Variants in RPS6KC1 observed in about 807,000 individuals in gnomAD.
RPS6KC1 encodes the protein ribosomal protein S6 kinase C1.
In RPS6KC1, 54 loss-of-function variants were observed where a neutral mutation model predicts 103.8. The observed-to-expected ratio is 0.52, with a 90% CI of 0.42 to 0.65. The LOEUF (loss-of-function observed/expected upper bound fraction) is 0.65, where lower values mean the gene tolerates loss of function less well. Among genes scored for constraint, RPS6KC1 ranks in the 30% least tolerant of loss-of-function variants. RPS6KC1 has a pLI of 0.00. For missense variants in RPS6KC1, 1,151 were observed against 1,253.8 expected (o/e 0.92, Z 1.24); for synonymous variants, 439 against 438.7 (o/e 1.00, Z -0.01).
Position 213,051,490 on chromosome 1 carries a change from TA to T in RPS6KC1, c.87del (p.Tyr30IlefsTer19). 2 of 1,612,528 alleles carry T rather than the reference TA, an allele frequency of 1.2e-6. No individual in the cohort carries two copies. Among genetic ancestry groups the T allele is most frequent in the Non-Finnish European group, 1.7e-6 (2 of 1,179,250 alleles). The part of the protein sequence containing the change: ...EPQRHPRGYT[V>X]YKVTARVVSR... ...CAGCGACACCCGAGGGGCTACACAGTATATAAGGTCACCGCCCGGGTGAGTG... is the reference window on the plus strand; with the variant it reads ...CAGCGACACCCGAGGGGCTACACAGTTATAAGGTCACCGCCCGGGTGAGTG... On this transcript the variant is annotated frameshift_variant, in exon 1 of 15. Coordinates refer to ENST00000366960, the MANE Select transcript of RPS6KC1 (RefSeq NM_012424.6). LOFTEE classifies it high-confidence loss of function.
the RPS6KC1 span, among the ~76,000 whole-genome samples, chr1:213,343,896 G>A: frequency 3.9e-4 from 59 of 152,054 alleles, no homozygotes; most frequent in Admixed American, 2.1e-3. Context: ...TCCTCACAAC[G>A]CTAATTGCTA....
At chr1:213,107,385 A>G (rs953126096) in intron 4 of RPS6KC1, among the ~76,000 whole-genome samples, 8 of 152,204 alleles carry the variant, frequency 5.3e-5, no homozygotes, top group African/African-American at 1.7e-4. Context: ...ACATGGAATT[A>G]CACAATATAT....
chr1:213,255,027 G>A (rs1044363286), intron 12 of RPS6KC1, among the ~76,000 whole-genome samples: 8 of 152,150 alleles, frequency 5.3e-5, no homozygotes, highest in Admixed American at 3.3e-4. Context: ...TAGGCCAGGC[G>A]TGGTGGCTCG....
the RPS6KC1 span, among the ~76,000 whole-genome samples, chr1:213,661,849 T>G: frequency 6.6e-6 from 1 of 152,160 alleles, no homozygotes; most frequent in Non-Finnish European, 1.5e-5. Context: ...TAAAAGTAAA[T>G]TTTCTAGATG....
At chr1:213,233,888 T>C (rs1320497520) in intron 10 of RPS6KC1, among the ~76,000 whole-genome samples, 2 of 152,162 alleles carry the variant, frequency 1.3e-5, no homozygotes, top group African/African-American at 4.8e-5. Flanking sequence ...TTTTATAATA[T>C]AAAGATAGTA....
At chr1:213,369,523 G>A in the RPS6KC1 span, among the ~76,000 whole-genome samples, 1 of 152,206 alleles carries the variant, frequency 6.6e-6, no homozygotes, top group Non-Finnish European at 1.5e-5. Context: ...CTAAAGGCTG[G>A]TGCAGCCTAG....
At chr1:213,402,332 C>T in the RPS6KC1 span, among the ~76,000 whole-genome samples, 1 of 152,146 alleles carries the variant, frequency 6.6e-6, no homozygotes, top group South Asian at 2.1e-4. Flanking sequence ...GCTGACACTG[C>T]CTTTGGCCAC....
chr1:213,051,440 C>G lies in RPS6KC1; in HGVS notation c.36C>G (p.Ala12=). 1 of 1,613,808 alleles carries G rather than the reference C, an allele frequency of 6.2e-7. No homozygotes were observed. Among genetic ancestry groups the G allele is most frequent in the South Asian group, 1.1e-5 (1 of 91,050 alleles). The change falls in exon 1 of 15, where the codon GCC becomes GCG. Residue 12 remains alanine (A), a synonymous_variant. Coordinates refer to ENST00000366960, the MANE Select transcript of RPS6KC1 (RefSeq NM_012424.6). Reference sequence around the variant, plus strand: ...ACCGGGAGCGGAGTGCCGACCTGGCCCGTTTCTACACTGTCACCGAGCCCC... The same window carrying G: ...ACCGGGAGCGGAGTGCCGACCTGGCGCGTTTCTACACTGTCACCGAGCCCC... ...TSYRERSADL[A]RFYTVTEPQR...
chr1:213,792,016 A>G, the RPS6KC1 span, among the ~76,000 whole-genome samples: 2 of 152,218 alleles, frequency 1.3e-5, no homozygotes, highest in African/African-American at 4.8e-5. Context: ...CATTGAAGCT[A>G]TTAGGAACAG....
chr1:213,433,840 T>C, the RPS6KC1 span, among the ~76,000 whole-genome samples: 6,730 of 152,346 alleles, frequency 0.044, 163 homozygotes, highest in African/African-American at 0.06. Context: ...GAAAATATTA[T>C]GGACTTACGT....
chr1:213,675,323 G>T, the RPS6KC1 span, among the ~76,000 whole-genome samples: 10 of 152,110 alleles, frequency 6.6e-5, no homozygotes, highest in Admixed American at 1.3e-4. Flanking sequence ...TGGAGTCCTC[G>T]GGAGGCTACT....
chr1:213,234,416 T>C (rs993355917), intron 10 of RPS6KC1, among the ~76,000 whole-genome samples: 3 of 152,196 alleles, frequency 2.0e-5, no homozygotes, highest in African/African-American at 7.2e-5. Context: ...GGAGATCTAA[T>C]AGATAACAAC....
chr1:213,741,461 T>C, the RPS6KC1 span, among the ~76,000 whole-genome samples: 1 of 152,104 alleles, frequency 6.6e-6, no homozygotes, highest in Non-Finnish European at 1.5e-5. Context: ...TTAAGATCTT[T>C]CTATAATGGC....
chr1:213,149,958 T>C (rs1467780401), intron 6 of RPS6KC1, among the ~76,000 whole-genome samples: 2 of 152,238 alleles, frequency 1.3e-5, no homozygotes, highest in Non-Finnish European at 2.9e-5. Flanking sequence ...GATACAAATA[T>C]ATCAGAAAAA....
the RPS6KC1 span, among the ~76,000 whole-genome samples, chr1:213,375,130 C>A: frequency 3.3e-5 from 5 of 151,724 alleles, no homozygotes; most frequent in Non-Finnish European, 5.9e-5. Context: ...TACACATACA[C>A]ATATATACAC....
At chr1:213,489,319 G>A in the RPS6KC1 span, among the ~76,000 whole-genome samples, 1 of 152,196 alleles carries the variant, frequency 6.6e-6, no homozygotes, top group Non-Finnish European at 1.5e-5. Context: ...GGCCCAGGTG[G>A]GCTGGATGGG....
the RPS6KC1 span, among the ~76,000 whole-genome samples, chr1:213,382,530 C>T: frequency 7.8e-6 from 1 of 128,734 alleles, no homozygotes; most frequent in Non-Finnish European, 1.6e-5. Context: ...CCTTTCACTC[C>T]ATCTTTTTTT....
the RPS6KC1 span, among the ~76,000 whole-genome samples, chr1:213,491,772 C>T: frequency 6.6e-6 from 1 of 152,098 alleles, no homozygotes; most frequent in Non-Finnish European, 1.5e-5. Context: ...TAAGAGTGGC[C>T]AACCCAGAGA....
At chr1:213,143,621 T>C (rs1036228803) in intron 6 of RPS6KC1, among the ~76,000 whole-genome samples, 7 of 152,076 alleles carry the variant, frequency 4.6e-5, no homozygotes, top group African/African-American at 1.7e-4. Flanking sequence ...TTTTGATATG[T>C]CAAACCTTAG....
Sources: gnomAD v4.1 joint callset for allele counts (sites outside exome capture counted in the v4.1 genomes callset) on GRCh38, gnomAD v4.1.1 for gene constraint, MANE v1.5 for transcripts, NCBI Gene and HGNC (gene_info 2026-07-23, HGNC 2026-07-21) for gene names.